Variants in RASGRF2 observed in about 807,000 individuals in gnomAD.
The protein encoded by RASGRF2 is Ras protein specific guanine nucleotide releasing factor 2, also known as ras-specific guanine nucleotide-releasing factor 2.
A neutral mutation model predicts 151.0 loss-of-function variants in RASGRF2; 76 were observed. That is an observed-to-expected ratio of 0.50 (90% confidence interval 0.42 to 0.61). The LOEUF (loss-of-function observed/expected upper bound fraction) is 0.61, where lower values mean the gene tolerates loss of function less well. RASGRF2 is among the 20% of genes least tolerant of loss of function. The pLI is 0.00. For missense variants in RASGRF2, 1,148 were observed against 1,564.6 expected, an observed-to-expected ratio of 0.73 and a Z score of 4.49; for synonymous variants, 504 against 566.5, an observed-to-expected ratio of 0.89 and a Z score of 1.57.
At chr5:81,171,629 C>T (rs1754660312) in intron 17 of RASGRF2, among the ~76,000 whole-genome samples, 2 of 152,014 alleles carry the variant, frequency 1.3e-5, no homozygotes, top group South Asian at 4.1e-4. Flanking sequence ...AAAGGCCTTT[C>T]TGAGTAATAT....
In RASGRF2 at chr5:81,154,441, GCTGGTCTCAAACTC is replaced by G. The variant is rs1754213929; in HGVS notation, c.2687-25723_2687-25710del. On this transcript the variant is annotated intron_variant, in intron 17 of 26. Transcript: ENST00000265080. ...GACAGGGTCTCACTATGTTGCCCAG[GCTGGTCTCAAACTC>G]CTGGTCTCAAGCGATCCTCCCGCTT... Among the ~76,000 whole-genome samples the G allele has an allele frequency of 2.0e-5, 3 of 152,032 alleles. No individual in the cohort carries two copies. The South Asian group carries it at 6.2e-4, about 32-fold the overall frequency.
chr5:81,003,293 G>T (rs1389204387), intron 1 of RASGRF2, among the ~76,000 whole-genome samples: 1 of 149,756 alleles, frequency 6.7e-6, no homozygotes, highest in African/African-American at 2.5e-5. Flanking sequence ...CGCGATCTCG[G>T]CTCACTGCAA....
intron 17 of RASGRF2, among the ~76,000 whole-genome samples, chr5:81,168,993 G>A (rs572860109): frequency 6.6e-6 from 1 of 152,258 alleles, no homozygotes; most frequent in South Asian, 2.1e-4. Flanking sequence ...TCTCCTGGTT[G>A]TGGGGCCACG....
At chr5:81,096,366 C>T (rs540420397) in intron 12 of RASGRF2, 1 of 152,300 alleles carries the variant, frequency 6.6e-6, no homozygotes, top group South Asian at 2.1e-4. Context: ...CATTCATTGA[C>T]TCTTTGAACA....
chr5:81,080,459 C>G, intron 6 of RASGRF2, 137 bp from the exon 7 acceptor site: 1 of 1,073,744 alleles, frequency 9.3e-7, no homozygotes, highest in Non-Finnish European at 1.3e-6. Flanking sequence ...TCTACCAGAT[C>G]ATCATTCAGG....
chr5:80,994,839 G>T (rs1433675765), intron 1 of RASGRF2, among the ~76,000 whole-genome samples: 1 of 152,092 alleles, frequency 6.6e-6, no homozygotes, highest in Non-Finnish European at 1.5e-5. Flanking sequence ...GTTTGGTTGG[G>T]GTATAGATTA....
At chr5:81,003,528 A>C (rs1446324938) in intron 1 of RASGRF2, among the ~76,000 whole-genome samples, 1 of 151,956 alleles carries the variant, frequency 6.6e-6, no homozygotes, top group Non-Finnish European at 1.5e-5. Context: ...CGGCATGCTA[A>C]TTTTTGTATT....
At chr5:81,043,458 C>T (rs1475829178) in intron 2 of RASGRF2, among the ~76,000 whole-genome samples, 1 of 152,160 alleles carries the variant, frequency 6.6e-6, no homozygotes, top group African/African-American at 2.4e-5. Context: ...CTCTGTGCAC[C>T]TCGGTTATCA....
At chr5:80,979,845 A>G (rs942233429) in intron 1 of RASGRF2, among the ~76,000 whole-genome samples, 2 of 152,180 alleles carry the variant, frequency 1.3e-5, no homozygotes, top group Admixed American at 6.5e-5. Flanking sequence ...TTTGAGGAGT[A>G]TGCTCTGAAA....
At chr5:81,053,835 G>A (rs969028842) in intron 2 of RASGRF2, among the ~76,000 whole-genome samples, 4 of 152,140 alleles carry the variant, frequency 2.6e-5, no homozygotes, top group Non-Finnish European at 5.9e-5. Context: ...GTGTGAGATG[G>A]TATCTCATTG....
intron 1 of RASGRF2, among the ~76,000 whole-genome samples, chr5:81,003,242 A>C (rs1477964307): frequency 4.9e-5 from 3 of 61,162 alleles, no homozygotes; most frequent in Non-Finnish European, 6.4e-5. Flanking sequence ...TTTTTTTTTG[A>C]GACGGAGTCT....
At chr5:81,107,588 C>T (rs569804462) in intron 12 of RASGRF2, among the ~76,000 whole-genome samples, 1 of 152,300 alleles carries the variant, frequency 6.6e-6, no homozygotes, top group South Asian at 2.1e-4. Context: ...GCGCTCTCAA[C>T]ATAAAGTATG....
intron 1 of RASGRF2, among the ~76,000 whole-genome samples, chr5:80,965,454 A>G (rs1191523825): frequency 1.3e-5 from 2 of 152,290 alleles, no homozygotes; most frequent in Admixed American, 1.3e-4. Context: ...AAAAAATCTC[A>G]TGGATTAGCA....
chr5:81,121,087 C>T (rs1162988491), intron 15 of RASGRF2, among the ~76,000 whole-genome samples: 1 of 151,916 alleles, frequency 6.6e-6, no homozygotes, highest in East Asian at 1.9e-4. Flanking sequence ...CAGCATGAGT[C>T]TGAAAGTTGT....
chr5:81,087,354 T>C (rs986271746), intron 9 of RASGRF2: 5 of 702,640 alleles, frequency 7.1e-6, no homozygotes, highest in Non-Finnish European at 1.3e-5. Flanking sequence ...CTGGGGACCA[T>C]GTCCGAAGTG....
chr5:81,108,832 C>CTGTG (rs200586966), intron 12 of RASGRF2, among the ~76,000 whole-genome samples, 164 bp from the exon 13 acceptor site: 6,159 of 115,414 alleles, frequency 0.053, 220 homozygotes, highest in Non-Finnish European at 0.074. Flanking sequence ...TATTTACCTA[C>CTGTG]TCTGTGTGTG....
intron 12 of RASGRF2, among the ~76,000 whole-genome samples, chr5:81,105,838 G>C (rs1003605281): frequency 1.1e-4 from 16 of 152,160 alleles, no homozygotes; most frequent in African/African-American, 2.4e-5. Context: ...GGGAAGAACA[G>C]GGATGATGTT....
At chr5:81,089,600 G>A (rs1216011800) in intron 9 of RASGRF2, among the ~76,000 whole-genome samples, 3 of 152,168 alleles carry the variant, frequency 2.0e-5, no homozygotes, top group Non-Finnish European at 4.4e-5. Context: ...TATTATCATT[G>A]TTTTCTAAAA....
intron 12 of RASGRF2, among the ~76,000 whole-genome samples, chr5:81,098,237 T>TA (rs1752601263): frequency 6.6e-6 from 1 of 152,162 alleles, no homozygotes; most frequent in Admixed American, 6.5e-5. Flanking sequence ...GAGATGGAGA[T>TA]ATCTGCTGGG....
Sources: gnomAD v4.1 joint callset for allele counts (sites outside exome capture counted in the v4.1 genomes callset) on GRCh38, gnomAD v4.1.1 for gene constraint, MANE v1.5 for transcripts, NCBI Gene and HGNC (gene_info 2026-07-23, HGNC 2026-07-21) for gene names.